Variants in SHC3 observed in about 807,000 individuals in gnomAD.
The protein encoded by SHC3 is SHC-transforming protein 3.
In SHC3, 15 loss-of-function variants were observed where a neutral mutation model predicts 60.4. That is an observed-to-expected ratio of 0.25 (90% CI 0.17 to 0.38). The LOEUF (loss-of-function observed/expected upper bound fraction) is 0.38. Among genes scored for constraint, SHC3 ranks in the 10% least tolerant of loss-of-function variants. SHC3 has a pLI of 1.00. For synonymous variants in SHC3, 294 were observed against 325.9 expected, an observed-to-expected ratio of 0.90 and a Z score of 1.05; for missense variants, 677 against 786.1, an observed-to-expected ratio of 0.86 and a Z score of 1.66.
At chr9:89,165,286 T>C (rs1012325423) in intron 1 of SHC3, among the ~76,000 whole-genome samples, 2 of 132,676 alleles carry the variant, frequency 1.5e-5, no homozygotes, top group African/African-American at 3.3e-5. Flanking sequence ...GTGTGTGTGT[T>C]TTCACACACC....
chr9:89,080,238 G>T (rs1056244906), intron 2 of SHC3, among the ~76,000 whole-genome samples: 9 of 152,052 alleles, frequency 5.9e-5, no homozygotes, highest in African/African-American at 2.2e-4. Context: ...TACCAATTTT[G>T]CCCTGTTTTT....
At chr9:89,163,671 C>A (rs1284070350) in intron 1 of SHC3, among the ~76,000 whole-genome samples, 2 of 149,796 alleles carry the variant, frequency 1.3e-5, no homozygotes, top group Non-Finnish European at 3.0e-5. Context: ...GTGCAGCGCA[C>A]CAGCATGGCA....
At chr9:89,046,037 A>C (rs1455101811) in intron 8 of SHC3, among the ~76,000 whole-genome samples, 1 of 151,296 alleles carries the variant, frequency 6.6e-6, no homozygotes, top group Non-Finnish European at 1.5e-5. Context: ...CTGCATCTCC[A>C]TCAAAACTAC....
intron 2 of SHC3, among the ~76,000 whole-genome samples, chr9:89,084,172 CCCCTGG>C (rs1825490681): frequency 6.6e-6 from 1 of 152,154 alleles, no homozygotes; most frequent in Non-Finnish European, 1.5e-5. Flanking sequence ...AATCTGCACA[CCCCTGG>C]AGAAATTGAC....
chr9:89,150,366 C>T (rs1229394820), intron 1 of SHC3, among the ~76,000 whole-genome samples: 1 of 152,114 alleles, frequency 6.6e-6, no homozygotes, highest in Non-Finnish European at 1.5e-5. Flanking sequence ...CACTCCCCAT[C>T]CTCTCCCACA....
In SHC3 at chr9:89,177,990, G is replaced by A; in HGVS notation, c.471C>T (p.Val157=). 1 of 1,229,266 alleles carries A rather than the reference G, an allele frequency of 8.1e-7. No homozygotes were observed. Among genetic ancestry groups the A allele is most frequent in the East Asian group, 3.2e-5 (1 of 31,206 alleles). 76.1% of individuals were successfully genotyped at this position (1,229,266 alleles called of 1,614,324 possible). Residue 157 remains valine, a synonymous_variant, in exon 1 of 12, where the codon GTC becomes GTT. Coordinates refer to ENST00000375835, the MANE Select transcript of SHC3 (RefSeq NM_016848.6). ...GGCGGCCCGCGCCCGCACCCACCTTGACCACGTAGGTGACTCCGGGCCCCA... is the reference window on the plus strand; with the variant it reads ...GGCGGCCCGCGCCCGCACCCACCTTAACCACGTAGGTGACTCCGGGCCCCA... The part of the protein sequence containing the change: ...QVLGPGVTYV[V]KYLGCIEVLR...
At chr9:89,103,808 T>A (rs530568327) in intron 2 of SHC3, among the ~76,000 whole-genome samples, 1 of 152,178 alleles carries the variant, frequency 6.6e-6, no homozygotes, top group Non-Finnish European at 1.5e-5. Flanking sequence ...ACTTAAGTCA[T>A]GTGCACAAGG....
intron 1 of SHC3, among the ~76,000 whole-genome samples, chr9:89,173,182 T>C (rs538371233): frequency 6.6e-6 from 1 of 152,364 alleles, no homozygotes; most frequent in South Asian, 2.1e-4. Flanking sequence ...GCGGTGGAGC[T>C]GCAGCCCAGG....
chr9:89,085,119 C>T (rs1825506424), intron 2 of SHC3, among the ~76,000 whole-genome samples: 1 of 152,218 alleles, frequency 6.6e-6, no homozygotes, highest in Non-Finnish European at 1.5e-5. Flanking sequence ...GGCCCCAAAG[C>T]TTCTGCCCTT....
chr9:89,098,950 C>A (rs907908248), intron 2 of SHC3, among the ~76,000 whole-genome samples: 3 of 151,942 alleles, frequency 2.0e-5, no homozygotes, highest in African/African-American at 7.3e-5. Flanking sequence ...CTAGCTTGGG[C>A]AACAAAGCAA....
chr9:89,011,734 G>A lies in SHC3; in HGVS notation c.*1713C>T, dbSNP rs547113617. The A allele has an allele frequency of 4.6e-5, 7 of 152,348 alleles. No individual in the cohort carries two copies. In the Middle Eastern group the frequency reaches 0.01, roughly 222 times the overall value. The allele number at this position is 152,348 out of a possible 1,614,324, so 9.4% of individuals were successfully genotyped here. A position where few individuals can be genotyped will look rare whatever the true frequency, so the allele number is the denominator to read the frequency against. ...GTCTACAGTAGTGTCAGACTCTCCA[G>A]AGTTTCAATCCACTGCAGAACATTC... On this transcript the variant is annotated 3_prime_UTR_variant, in exon 12 of 12. Coordinates refer to ENST00000375835, the MANE Select transcript of SHC3 (RefSeq NM_016848.6).
rs574325917 is a variant in SHC3, at chr9:89,045,271, C to T, written c.1201+475G>A. On this transcript the variant is annotated intron_variant, in intron 9 of 11. Transcript: ENST00000375835. ...GATTGGTGCCAGGAGATGTCTGCAA[C>T]ACTGTTGCTTTTTTTTTTTTTTTTT... is the stretch of plus-strand genomic sequence containing the variant. Among the ~76,000 whole-genome samples the T allele has an allele frequency of 1.4e-4, 21 of 147,744 alleles. No individual in the cohort carries two copies. In the East Asian group the frequency reaches 3.7e-3, roughly 26 times the overall value.
chr9:89,070,880 C>G (rs1174625816), intron 5 of SHC3, among the ~76,000 whole-genome samples: 1 of 152,092 alleles, frequency 6.6e-6, no homozygotes. Flanking sequence ...GGGCAAGAGC[C>G]GAGTGACAGC....
chr9:89,077,205 A>C (rs140755368), intron 3 of SHC3, among the ~76,000 whole-genome samples: 71 of 152,176 alleles, frequency 4.7e-4, no homozygotes, highest in African/African-American at 1.4e-3. Flanking sequence ...ACAAAAAAAA[A>C]CAGACAATAA....
chr9:89,064,808 C>T lies in SHC3; in HGVS notation c.835+721G>A, dbSNP rs555604332. On this transcript the variant is annotated intron_variant, in intron 6 of 11. Coordinates refer to ENST00000375835, the MANE Select transcript of SHC3 (RefSeq NM_016848.6). ...ATGTTAAAAAGAGAGGGTATGTATA[C>T]GGATAAGCATTATGCAAAGCAAACT... Among the ~76,000 whole-genome samples the T allele has an allele frequency of 1.3e-4, 20 of 152,214 alleles. No homozygotes were observed. The South Asian group carries it at 3.3e-3, about 25-fold the overall frequency.
At chr9:89,021,857 G>A (rs1317770299) in intron 11 of SHC3, among the ~76,000 whole-genome samples, 1 of 152,146 alleles carries the variant, frequency 6.6e-6, no homozygotes, top group African/African-American at 2.4e-5. Context: ...TATATGACTT[G>A]GGAATAAAAT....
In SHC3 at chr9:89,178,063, G is replaced by C. The variant is rs1826969891; in HGVS notation, c.398C>G (p.Pro133Arg). The change falls in exon 1 of 12, where the codon CCG becomes CGG. Residue 133 changes from proline to arginine, a missense_variant. Transcript: ENST00000375835. The surrounding 1 kb of genome is among the most constrained non-coding windows in gnomAD (Gnocchi z 6.9). ...AARKGRPGDEPLPRPPRGAPH... is the reference protein window; with the variant it reads ...AARKGRPGDERLPRPPRGAPH... ...CGCCCCCCGAGGGGGCCTGGGCAGC[G>C]GCTCGTCGCCGGGCCGGCCCTTCCT... 3.3e-6 allele frequency: 4 copies of C among 1,211,744 alleles called. No individual in the cohort carries two copies. Among genetic ancestry groups the C allele is most frequent in the Non-Finnish European group, 4.1e-6 (4 of 975,638 alleles). The allele number at this position is 1,211,744 out of a possible 1,614,324, so 75.1% of individuals were successfully genotyped here. A position where few individuals can be genotyped will look rare whatever the true frequency, so the allele number is the denominator to read the frequency against.
Position 89,017,766 on chromosome 9 carries a change from T to C in SHC3, c.1657-4191A>G, listed in dbSNP as rs545363887. 2.0e-4 allele frequency among the ~76,000 whole-genome samples: 30 copies of C among 152,106 alleles called. No homozygotes were observed. The South Asian group carries it at 2.5e-3, about 13-fold the overall frequency. On this transcript the variant is annotated intron_variant, in intron 11 of 11. Transcript: ENST00000375835. ...CTACCCATCTGACAAAGGGCTAATA[T>C]CCAGAATCTACAAAGAACTTAAACA...
At chr9:89,142,183 C>A (rs80178197) in intron 1 of SHC3, among the ~76,000 whole-genome samples, 2,661 of 152,300 alleles carry the variant, frequency 0.017, 38 homozygotes, top group Middle Eastern at 0.071. Flanking sequence ...TCCTCCAACC[C>A]CCTAAATCTT....
Sources: gnomAD v4.1 joint callset for allele counts (sites outside exome capture counted in the v4.1 genomes callset) on GRCh38, gnomAD v4.1.1 for gene constraint, Gnocchi (gnomAD v3.1) non-coding constraint, MANE v1.5 for transcripts, NCBI Gene and HGNC (gene_info 2026-07-23, HGNC 2026-07-21) for gene names.